The following SLC9A9 variants were observed in gnomAD, a reference collection of about 807,000 sequenced individuals.
SLC9A9 encodes solute carrier family 9 member A9.
A neutral mutation model predicts 77.8 loss-of-function variants in SLC9A9; 62 were observed. The ratio of observed to expected loss-of-function variants is 0.80; its 90% CI spans 0.65 to 0.98. The LOEUF is 0.98. Ranked by LOEUF, SLC9A9 falls within the 50% of genes least tolerant of loss-of-function variation. The pLI is 0.00. For missense variants in SLC9A9, 775 were observed against 774.9 expected, an observed-to-expected ratio of 1.00 and a Z score of 0.00; for synonymous variants, 320 against 283.5, an observed-to-expected ratio of 1.13 and a Z score of -1.29.
chr3:143,459,448 T>C (rs2035150753), intron 12 of SLC9A9, among the ~76,000 whole-genome samples: 1 of 152,198 alleles, frequency 6.6e-6, no homozygotes, highest in East Asian at 1.9e-4. Flanking sequence ...AGAATGCAAG[T>C]TCTTATCTGC....
chr3:143,531,838 C>T (rs1189363701), intron 9 of SLC9A9, among the ~76,000 whole-genome samples: 1 of 150,540 alleles, frequency 6.6e-6, no homozygotes, highest in Non-Finnish European at 1.5e-5. Flanking sequence ...TCTGAGACTC[C>T]CTGAGACTCT....
intron 14 of SLC9A9, among the ~76,000 whole-genome samples, chr3:143,358,056 C>A (rs995222449): frequency 6.6e-6 from 1 of 151,118 alleles, no homozygotes; most frequent in East Asian, 1.9e-4. Context: ...GACTAAAATG[C>A]CATTTCATTT....
At chr3:143,540,039 G>T (rs1021102783) in intron 9 of SLC9A9, among the ~76,000 whole-genome samples, 6 of 151,948 alleles carry the variant, frequency 3.9e-5, no homozygotes, top group African/African-American at 1.5e-4. Flanking sequence ...CTTTCTTAGG[G>T]CTTGGTGGGG....
At chr3:143,349,930 G>C (rs1333170026) in intron 14 of SLC9A9, among the ~76,000 whole-genome samples, 2 of 152,166 alleles carry the variant, frequency 1.3e-5, no homozygotes, top group Non-Finnish European at 2.9e-5. Context: ...GAGGTTTAGA[G>C]AACTCCATCC....
chr3:143,280,789 G>A (rs374905278), intron 14 of SLC9A9, among the ~76,000 whole-genome samples: 15 of 152,068 alleles, frequency 9.9e-5, no homozygotes, highest in Non-Finnish European at 1.8e-4. Flanking sequence ...CTGACCTCAG[G>A]TGACCTGCCT....
intron 6 of SLC9A9, among the ~76,000 whole-genome samples, chr3:143,605,200 AAAG>A (rs565738381): frequency 1.3e-3 from 204 of 152,316 alleles, no homozygotes; most frequent in African/African-American, 4.7e-3. Context: ...TCAGTGTATT[AAAG>A]AAGTGCCTGA....
At chr3:143,449,991 TACA>T in intron 12 of SLC9A9, among the ~76,000 whole-genome samples, 1 of 55,174 alleles carries the variant, frequency 1.8e-5, no homozygotes, top group Non-Finnish European at 2.7e-5. Context: ...TATGTATATA[TACA>T]TATATATACA....
At chr3:143,643,982 A>T (rs929283671) in intron 6 of SLC9A9, among the ~76,000 whole-genome samples, 2 of 152,068 alleles carry the variant, frequency 1.3e-5, no homozygotes, top group African/African-American at 2.4e-5. Flanking sequence ...GCTAAAAAAA[A>T]AAAAAAGTAA....
At chr3:143,741,620 G>GT (rs142048364) in intron 4 of SLC9A9, among the ~76,000 whole-genome samples, 72 of 152,234 alleles carry the variant, frequency 4.7e-4, no homozygotes, top group African/African-American at 1.7e-3. Context: ...GGGAAAAATC[G>GT]TAACTCTACA....
At chr3:143,366,951 C>T (rs1385129904) in intron 13 of SLC9A9, among the ~76,000 whole-genome samples, 2 of 152,150 alleles carry the variant, frequency 1.3e-5, no homozygotes, top group Admixed American at 6.6e-5. Context: ...TTTAGAGCTC[C>T]CCTTAGCTGG....
chr3:143,795,188 T>C, intron 3 of SLC9A9, 111 bp from the exon 4 acceptor site: 1 of 1,026,696 alleles, frequency 9.7e-7, no homozygotes, highest in Non-Finnish European at 1.4e-6. Flanking sequence ...TTAGGCAAAT[T>C]TTGGTTTTGG....
chr3:143,396,053 G>T (rs1289264564), intron 12 of SLC9A9, among the ~76,000 whole-genome samples: 1 of 152,174 alleles, frequency 6.6e-6, no homozygotes, highest in Non-Finnish European at 1.5e-5. Flanking sequence ...ATTCCTCAGG[G>T]ATCTAGAACT....
At chr3:143,318,129 T>C (rs923681621) in intron 14 of SLC9A9, among the ~76,000 whole-genome samples, 2 of 152,218 alleles carry the variant, frequency 1.3e-5, no homozygotes, top group Non-Finnish European at 2.9e-5. Context: ...GGGCTGGATG[T>C]TGATGTAGTC....
intron 14 of SLC9A9, among the ~76,000 whole-genome samples, chr3:143,341,342 C>A (rs1231180647): frequency 6.6e-6 from 1 of 152,018 alleles, no homozygotes; most frequent in Non-Finnish European, 1.5e-5. Context: ...TTTGGGAACT[C>A]CAGAGTAGGA....
intron 6 of SLC9A9, among the ~76,000 whole-genome samples, chr3:143,586,571 G>A (rs970051013): frequency 6.6e-6 from 1 of 152,066 alleles, no homozygotes; most frequent in Admixed American, 6.5e-5. Flanking sequence ...AAAAAGAAGT[G>A]GATCCTTATC....
chr3:143,382,090 A>T lies in SLC9A9; in HGVS notation c.1494T>A (p.Asn498Lys), dbSNP rs776722241. 4.3e-6 allele frequency: 7 copies of T among 1,613,932 alleles called. No homozygotes were observed. In the East Asian group the frequency reaches 1.3e-4, roughly 31 times the overall value. ...GTTGTGAGGAGGGGTCCTCCTTCAG[A>T]TTTTCATCCAGGTCCACGCCAACTC... ...QIRVGVDLDE[N>K]LKEDPSSQHQ... The change falls in exon 13 of 16, where the codon AAT becomes AAA. Residue 498 changes from asparagine (N) to lysine (K), a missense_variant. Asn to Lys is a moderately conservative substitution (Grantham distance 94, BLOSUM62 0). Coordinates refer to ENST00000316549, the MANE Select transcript of SLC9A9 (RefSeq NM_173653.4).
chr3:143,331,932 A>T (rs2031783889), intron 14 of SLC9A9, among the ~76,000 whole-genome samples: 1 of 152,212 alleles, frequency 6.6e-6, no homozygotes, highest in Non-Finnish European at 1.5e-5. Flanking sequence ...GACATTCAAC[A>T]TGAATGTTGA....
chr3:143,655,578 A>T, intron 5 of SLC9A9: 1 of 985,280 alleles, frequency 1.0e-6, no homozygotes, highest in Non-Finnish European at 1.2e-6. Context: ...CCCTCTTCTT[A>T]CATGATGTTG....
At chr3:143,324,098 C>A (rs1376094840) in intron 14 of SLC9A9, among the ~76,000 whole-genome samples, 1 of 152,062 alleles carries the variant, frequency 6.6e-6, no homozygotes, top group African/African-American at 2.4e-5. Flanking sequence ...CTGCTTTTCG[C>A]TATTATCAGA....
Sources: allele counts gnomAD v4.1 joint callset (sites outside exome capture counted in the v4.1 genomes callset), GRCh38; gene constraint gnomAD v4.1.1; transcripts MANE v1.5; gene names NCBI Gene and HGNC (gene_info 2026-07-23, HGNC 2026-07-21).